The following TMEM184B variants were observed in gnomAD, a reference collection of about 807,000 sequenced individuals.
TMEM184B encodes putative MAPK-activating protein FM08.
A neutral mutation model predicts 41.8 loss-of-function variants in TMEM184B; 17 were observed. The observed-to-expected ratio is 0.41, with a 90% confidence interval of 0.28 to 0.61. The LOEUF is 0.61. Among genes scored for constraint, TMEM184B ranks in the 20% least tolerant of loss-of-function variants. TMEM184B has a pLI of 0.34. For synonymous variants in TMEM184B, 240 were observed against 229.5 expected (o/e 1.05, Z -0.41); for missense variants, 393 against 557.8 (o/e 0.70, Z 2.98).
chr22:38,244,306 A>G (rs5750571), intron 3 of TMEM184B, among the ~76,000 whole-genome samples: 88,212 of 151,938 alleles, frequency 0.58, 27,476 homozygotes, highest in African/African-American at 0.82. Flanking sequence ...TCCCAGGTCA[A>G]GGAAACAGAC....
At chr22:38,259,138 T>C (rs1281773515) in intron 1 of TMEM184B, among the ~76,000 whole-genome samples, 1 of 152,186 alleles carries the variant, frequency 6.6e-6, no homozygotes, top group Non-Finnish European at 1.5e-5. Context: ...ATGTCGTCAC[T>C]GAACTTGGCC....
intron 1 of TMEM184B, among the ~76,000 whole-genome samples, chr22:38,263,444 G>A (rs1458054173): frequency 6.6e-6 from 1 of 151,910 alleles, no homozygotes; most frequent in African/African-American, 2.4e-5. Flanking sequence ...TTCTTCCCTC[G>A]GCAATCCACC....
chr22:38,220,802 C>T lies in TMEM184B; in HGVS notation c.*667G>A. ...GTGTGGCCACGACAGGTGGGGATAC[C>T]CAGGGGCCCAGAAGCCCCTGCTTCA... On this transcript the variant is annotated 3_prime_UTR_variant, in exon 9 of 9. Coordinates refer to ENST00000361906, the MANE Select transcript of TMEM184B (RefSeq NM_012264.5). 1 of 986,108 alleles carries T rather than the reference C, an allele frequency of 1.0e-6. No individual in the cohort carries two copies. The highest frequency in any genetic ancestry group is 1.2e-6 in the Non-Finnish European group (1 of 830,118). The allele number at this position is 986,108 out of a possible 1,614,324, so 61.1% of individuals were successfully genotyped here.
intron 3 of TMEM184B, among the ~76,000 whole-genome samples, chr22:38,244,436 T>C (rs1023663078): frequency 1.3e-5 from 2 of 151,300 alleles, no homozygotes; most frequent in Admixed American, 6.6e-5. Context: ...ACTCTGAGAA[T>C]AGCATGGGTA....
chr22:38,259,889 C>T (rs543887939), intron 1 of TMEM184B, among the ~76,000 whole-genome samples: 2 of 151,650 alleles, frequency 1.3e-5, no homozygotes, highest in South Asian at 2.1e-4. Context: ...AATTCTCCCA[C>T]CTCAGCCTCC....
At chr22:38,268,853 C>T (rs904321319) in intron 1 of TMEM184B, among the ~76,000 whole-genome samples, 1 of 152,232 alleles carries the variant, frequency 6.6e-6, no homozygotes, top group African/African-American at 2.4e-5. Flanking sequence ...CTCCTGAGGG[C>T]GGCTCCCCGC....
chr22:38,246,488 A>G (rs5995556), intron 2 of TMEM184B: 102,929 of 264,526 alleles, frequency 0.39, 22,241 homozygotes, highest in African/African-American at 0.63. Context: ...CTTTCCCTCT[A>G]CCTCACTCCG....
rs539315288 is a variant in TMEM184B, at chr22:38,219,651, C to A, written c.*1818G>T. The A allele has an allele frequency of 6.1e-5, 60 of 985,426 alleles. No individual in the cohort carries two copies. Among genetic ancestry groups the A allele is most frequent in the Admixed American group, 2.5e-4 (4 of 16,258 alleles). The allele number at this position is 985,426 out of a possible 1,614,324, so 61.0% of individuals were successfully genotyped here. ...TGATTCCCTGCCACTGAGCTCCCCCCACCCTCCACGCAAACAGCAACGCTG... is the reference window on the plus strand; with the variant it reads ...TGATTCCCTGCCACTGAGCTCCCCCAACCCTCCACGCAAACAGCAACGCTG... On this transcript the variant is annotated 3_prime_UTR_variant, in exon 9 of 9. Transcript: ENST00000361906.
chr22:38,261,645 A>C (rs2145765873), intron 1 of TMEM184B, among the ~76,000 whole-genome samples: 1 of 152,310 alleles, frequency 6.6e-6, no homozygotes, highest in East Asian at 1.9e-4. Context: ...AGAACAATGG[A>C]CCAACGCTCA....
At position 38,247,936 on chromosome 22, in the gene TMEM184B, G is replaced by A; in HGVS notation, c.26C>T (p.Ala9Val). The A allele has an allele frequency of 1.3e-6, 2 of 1,590,600 alleles. No homozygotes were observed. The highest frequency in any genetic ancestry group is 1.7e-6 in the Non-Finnish European group (2 of 1,173,152). The change falls in exon 2 of 9, where the codon GCC becomes GTC. Residue 9 changes from alanine to valine, a missense_variant. By Grantham distance (64) the Ala-to-Val change is moderately conservative. Transcript: ENST00000361906. ...GGTCGTGGGCGACGCTGGATCCGGG[G>A]CCAGCACATCCCCCCTCACTGTCAT... MTVRGDVL[A>V]PDPASPTTAA...
At chr22:38,236,305 G>T (rs921099579) in intron 3 of TMEM184B, among the ~76,000 whole-genome samples, 2 of 152,058 alleles carry the variant, frequency 1.3e-5, no homozygotes, top group Non-Finnish European at 2.9e-5. Flanking sequence ...CACAGTATCA[G>T]GAGAGAAGGA....
rs1442383756 is a variant in TMEM184B at position 38,226,437 on chromosome 22, C to T, written c.617+342G>A. On this transcript the variant is annotated intron_variant, in intron 6 of 8. Transcript: ENST00000361906. This position sits in a 1 kb window ranked among gnomAD's most constrained non-coding sequence, Gnocchi z 4.6. ...ATGGGTGTGGACAATTTACACAGCA[C>T]GGGCTTTGTATCTGTGGACTTGAGC... 4.3e-5 allele frequency: 12 copies of T among 276,282 alleles called. No individual in the cohort carries two copies. In the East Asian group the frequency reaches 8.8e-4, roughly 20 times the overall value. 17.1% of individuals were successfully genotyped at this position (276,282 alleles called of 1,614,324 possible). A position where few individuals can be genotyped will look rare whatever the true frequency, so the allele number is the denominator to read the frequency against.
At chr22:38,245,813 G>C in intron 3 of TMEM184B, 122 bp downstream of exon 3, 1 of 1,040,644 alleles carries the variant, frequency 9.6e-7, no homozygotes, top group Non-Finnish European at 1.4e-6. Flanking sequence ...CCTGTAGTAG[G>C]TAAAGCAGCA....
chr22:38,267,926 T>C (rs2092467354), intron 1 of TMEM184B, among the ~76,000 whole-genome samples: 1 of 152,112 alleles, frequency 6.6e-6, no homozygotes, highest in African/African-American at 2.4e-5. Flanking sequence ...TTCTATGCCA[T>C]ACCCAAGCAT....
rs1197894463 is a variant in TMEM184B, at chr22:38,220,106, A to G, written c.*1363T>C. 1.0e-6 allele frequency: 1 copy of G among 985,302 alleles called. No individual in the cohort carries two copies. The highest frequency in any genetic ancestry group is 1.2e-6 in the Non-Finnish European group (1 of 829,958). The allele number at this position is 985,302 out of a possible 1,614,324, so 61.0% of individuals were successfully genotyped here. Reference sequence around the variant, plus strand: ...GATAATCTGGGTTTTAAATGCCAGGACACTTTGCCTGTAGGGACACGTGTT... The same window carrying G: ...GATAATCTGGGTTTTAAATGCCAGGGCACTTTGCCTGTAGGGACACGTGTT... On this transcript the variant is annotated 3_prime_UTR_variant, in exon 9 of 9. Coordinates refer to ENST00000361906, the MANE Select transcript of TMEM184B (RefSeq NM_012264.5).
chr22:38,249,933 C>G (rs1433100465), intron 1 of TMEM184B, among the ~76,000 whole-genome samples: 1 of 152,234 alleles, frequency 6.6e-6, no homozygotes, highest in East Asian at 1.9e-4. Flanking sequence ...ATGCAAAGTG[C>G]AGTATGTAGG....
rs1338649815 is a variant in TMEM184B at position 38,221,221 on chromosome 22, GCTCCCA to G, written c.*242_*247del. On this transcript the variant is annotated 3_prime_UTR_variant, in exon 9 of 9. Transcript: ENST00000361906. ...GACGGGCAGCAGGGGCATAAGCCTT[GCTCCCA>G]GTGTCCTCTGCCCTCGCCCGGGCAG... The G allele has an allele frequency of 1.5e-6, 2 of 1,363,544 alleles. No individual in the cohort carries two copies. Among genetic ancestry groups the G allele is most frequent in the East Asian group, 5.7e-5 (2 of 34,888 alleles). 84.5% of individuals were successfully genotyped at this position (1,363,544 alleles called of 1,614,324 possible).
At chr22:38,253,497 G>C (rs150882583) in intron 1 of TMEM184B, among the ~76,000 whole-genome samples, 2,262 of 152,094 alleles carry the variant, frequency 0.015, 51 homozygotes, top group African/African-American at 0.051. Flanking sequence ...CTTGAACCTG[G>C]GAGGTGGTGG....
rs1361345264 is a variant in TMEM184B at position 38,226,489 on chromosome 22, G to T, written c.617+290C>A. 1.9e-5 allele frequency: 7 copies of T among 360,078 alleles called. No homozygotes were observed. Among genetic ancestry groups the T allele is most frequent in the African/African-American group, 1.0e-4 (5 of 48,510 alleles). 22.3% of individuals were successfully genotyped at this position (360,078 alleles called of 1,614,324 possible). On this transcript the variant is annotated intron_variant, in intron 6 of 8. Transcript: ENST00000361906. This position sits in a 1 kb window ranked among gnomAD's most constrained non-coding sequence, Gnocchi z 4.6. ...GACCTCTTGGGGCTCTGACCCTCTC[G>T]CTCCCTGCCTCAGCAGTGGTCACTG... is the stretch of plus-strand genomic sequence containing the variant.
Sources: gnomAD v4.1 joint callset for allele counts (sites outside exome capture counted in the v4.1 genomes callset) on GRCh38, gnomAD v4.1.1 for gene constraint, Gnocchi (gnomAD v3.1) non-coding constraint, MANE v1.5 for transcripts, NCBI Gene and HGNC (gene_info 2026-07-23, HGNC 2026-07-21) for gene names.